Variants in SMAD3 observed in about 807,000 individuals in gnomAD.
SMAD3 encodes SMAD family member 3.
Under a neutral mutation model 51.8 loss-of-function variants are expected in SMAD3, and 12 were observed. The ratio of observed to expected loss-of-function variants is 0.23; its 90% CI spans 0.15 to 0.38. SMAD3 has a LOEUF of 0.38. Among genes scored for constraint, SMAD3 ranks in the 10% least tolerant of loss-of-function variants. The probability of loss-of-function intolerance (pLI) is 1.00; values close to 1 mark genes in which losing one functional copy is unlikely to be tolerated. For missense variants in SMAD3, 294 were observed against 565.6 expected (o/e 0.52, Z 4.87); for synonymous variants, 238 against 227.7 (o/e 1.05, Z -0.41).
chr15:67,130,157 T>A (rs533517388), intron 1 of SMAD3, among the ~76,000 whole-genome samples: 2 of 152,336 alleles, frequency 1.3e-5, no homozygotes, highest in Admixed American at 1.3e-4. Context: ...ACAGCAGCCT[T>A]GCATGGTGGA....
chr15:67,182,184 T>C (rs1213745425), intron 6 of SMAD3, among the ~76,000 whole-genome samples: 1 of 152,236 alleles, frequency 6.6e-6, no homozygotes, highest in Non-Finnish European at 1.5e-5. Context: ...TTTTCATGTA[T>C]CATTATTCTA....
intron 1 of SMAD3, among the ~76,000 whole-genome samples, chr15:67,094,535 G>A (rs1002650589): frequency 6.6e-6 from 1 of 152,178 alleles, no homozygotes; most frequent in African/African-American, 2.4e-5. Flanking sequence ...AGGGCCTGCT[G>A]GAGCAGGCCC....
intron 4 of SMAD3, among the ~76,000 whole-genome samples, 179 bp from the exon 5 acceptor site, chr15:67,170,375 G>C (rs1319113761): frequency 6.6e-6 from 1 of 152,178 alleles, no homozygotes; most frequent in Non-Finnish European, 1.5e-5. Context: ...AAGAAATTGG[G>C]GCCCAGGGAG....
intron 1 of SMAD3, among the ~76,000 whole-genome samples, chr15:67,118,491 G>A (rs1035287285): frequency 2.6e-5 from 4 of 152,202 alleles, no homozygotes. Context: ...GCAGACTTGG[G>A]TCCAAAGGTG....
At chr15:67,166,520 G>A in intron 3 of SMAD3, 1 of 567,988 alleles carries the variant, frequency 1.8e-6, no homozygotes, top group South Asian at 2.0e-5. Context: ...CCTGGCAGAG[G>A]CTCTAGGAGT....
chr15:67,128,210 G>A (rs80061710), intron 1 of SMAD3: 1 of 152,232 alleles, frequency 6.6e-6, no homozygotes, highest in Non-Finnish European at 1.5e-5. Context: ...GGGAAGTAGA[G>A]CATCTCTGGG....
At chr15:67,125,819 A>G (rs1303715853) in intron 1 of SMAD3, 6 of 985,348 alleles carry the variant, frequency 6.1e-6, no homozygotes, top group Admixed American at 6.1e-5. Flanking sequence ...CACTGACCAT[A>G]AGAGCAACAT....
chr15:67,168,151 C>T (rs1962641999), intron 4 of SMAD3, among the ~76,000 whole-genome samples: 1 of 152,220 alleles, frequency 6.6e-6, no homozygotes, highest in Non-Finnish European at 1.5e-5. Flanking sequence ...GACAGGGTTT[C>T]GCCATGTTGG....
At position 67,190,423 on chromosome 15, in the gene SMAD3, G is replaced by A. The variant is rs863223747; in HGVS notation, c.1165G>A (p.Val389Met). 6.2e-7 allele frequency: 1 copy of A among 1,613,900 alleles called. No homozygotes were observed. Among genetic ancestry groups the A allele is most frequent in the African/African-American group, 1.3e-5 (1 of 74,964 alleles). The change falls in exon 9 of 9, where the codon GTG (valine) becomes ATG (methionine). Residue 389 changes from valine (V) to methionine (M), a missense_variant. Physicochemically the swap from Val to Met is conservative, Grantham distance 21. Coordinates refer to ENST00000327367, the MANE Select transcript of SMAD3 (RefSeq NM_005902.4). Reference sequence around the variant, plus strand: ...CCCTATTTCTTACAGGAGACAGACTGTGACCAGTACCCCCTGCTGGATTGA... The same window carrying A: ...CCCTATTTCTTACAGGAGACAGACTATGACCAGTACCCCCTGCTGGATTGA... ...GWGAEYRRQT[V>M]TSTPCWIELH...
intron 1 of SMAD3, among the ~76,000 whole-genome samples, chr15:67,092,448 C>T (rs1402783862): frequency 6.6e-6 from 1 of 152,234 alleles, no homozygotes; most frequent in Admixed American, 6.5e-5. Context: ...GCAGCGTCAG[C>T]ATCACCAGGG....
chr15:67,136,328 CT>C (rs11355676), intron 1 of SMAD3, among the ~76,000 whole-genome samples: 79,238 of 136,996 alleles, frequency 0.58, 21,559 homozygotes, highest in African/African-American at 0.64. Flanking sequence ...GTCAGTCATT[CT>C]TTTTTTTTTT....
At chr15:67,188,626 G>A (rs1449269237) in intron 8 of SMAD3, among the ~76,000 whole-genome samples, 1 of 152,228 alleles carries the variant, frequency 6.6e-6, no homozygotes, top group Non-Finnish European at 1.5e-5. Flanking sequence ...CCTGCCAGCC[G>A]CCAGCTCCTG....
chr15:67,096,308 C>T (rs898776567), intron 1 of SMAD3, among the ~76,000 whole-genome samples: 2 of 152,116 alleles, frequency 1.3e-5, no homozygotes, highest in Non-Finnish European at 2.9e-5. Context: ...GGACACATAG[C>T]GAGAAGTGAA....
rs1411772028 is a variant in SMAD3, at chr15:67,181,214, A to C, written c.659-27A>C. 6 of 1,585,926 alleles carry C rather than the reference A, an allele frequency of 3.8e-6. No homozygotes were observed. The East Asian group carries it at 1.3e-4, about 36-fold the overall frequency. Reference sequence around the variant, plus strand: ...AGCATGGGGCTTGGGACACCCAATGACCCAGTAGCCCACCCTGTGTCCACA... The same window carrying C: ...AGCATGGGGCTTGGGACACCCAATGCCCCAGTAGCCCACCCTGTGTCCACA... On this transcript the variant is annotated intron_variant, in intron 5 of 8. Transcript: ENST00000327367.
Position 67,078,590 on chromosome 15 carries a change from G to A in SMAD3, c.206+12230G>A, listed in dbSNP as rs367813600. On this transcript the variant is annotated intron_variant, in intron 1 of 8. Transcript: ENST00000327367. ...TGAGAGATTGGTTATTATTTACCTC[G>A]CCTTTAGAGGGTCAGCTTGGTGGTG... Among the ~76,000 whole-genome samples the A allele has an allele frequency of 1.4e-4, 22 of 152,254 alleles. No homozygotes were observed. In the East Asian group the frequency reaches 3.3e-3, roughly 23 times the overall value.
At chr15:67,107,252 G>T (rs1362187929) in intron 1 of SMAD3, among the ~76,000 whole-genome samples, 2 of 152,300 alleles carry the variant, frequency 1.3e-5, no homozygotes, top group East Asian at 3.9e-4. Flanking sequence ...CAAATGGTGG[G>T]AATTTCAGGC....
chr15:67,136,182 C>G (rs1361247680), intron 1 of SMAD3, among the ~76,000 whole-genome samples: 1 of 152,200 alleles, frequency 6.6e-6, no homozygotes, highest in South Asian at 2.1e-4. Flanking sequence ...ATTGAAATCT[C>G]AAAATTATAA....
intron 1 of SMAD3, among the ~76,000 whole-genome samples, chr15:67,069,197 G>A (rs969389747): frequency 5.9e-5 from 9 of 152,138 alleles, no homozygotes; most frequent in African/African-American, 2.2e-4. Context: ...CAGGGGAGCT[G>A]GCGTGATACA....
At chr15:67,137,315 G>A (rs1961691940) in intron 1 of SMAD3, among the ~76,000 whole-genome samples, 1 of 152,116 alleles carries the variant, frequency 6.6e-6, no homozygotes, top group Admixed American at 6.5e-5. Flanking sequence ...CATTTTCTGT[G>A]TACCAATATG....
Sources: allele counts gnomAD v4.1 joint callset (sites outside exome capture counted in the v4.1 genomes callset), GRCh38; gene constraint gnomAD v4.1.1; transcripts MANE v1.5; gene names NCBI Gene and HGNC (gene_info 2026-07-23, HGNC 2026-07-21).